The following RTN4RL1 variants were observed in gnomAD, a reference collection of about 807,000 sequenced individuals.
RTN4RL1 encodes reticulon 4 receptor like 1.
Under a neutral mutation model 25.6 loss-of-function variants are expected in RTN4RL1, and 7 were observed. That is an observed-to-expected ratio of 0.27 (90% CI 0.16 to 0.51). The LOEUF (loss-of-function observed/expected upper bound fraction) is 0.51. Among genes scored for constraint, RTN4RL1 ranks in the 20% least tolerant of loss-of-function variants. RTN4RL1 has a pLI of 0.97. For synonymous variants in RTN4RL1, 297 were observed against 288.2 expected (o/e 1.03, Z -0.31); for missense variants, 500 against 615.6 (o/e 0.81, Z 1.99).
chr17:1,935,615 A>G lies in RTN4RL1; in HGVS notation c.*881T>C, dbSNP rs1033307455. On this transcript the variant is annotated 3_prime_UTR_variant, in exon 2 of 2. Transcript: ENST00000331238. ...TGTTTTTGCTAGAAATCACCAATACAATCCTTAGTTCAGCAAATACAGTTT... is the reference window on the plus strand; with the variant it reads ...TGTTTTTGCTAGAAATCACCAATACGATCCTTAGTTCAGCAAATACAGTTT... The G allele has an allele frequency of 1.4e-4, 138 of 982,672 alleles. No individual in the cohort carries two copies. In the African/African-American group the frequency reaches 1.4e-3, roughly 10 times the overall value. 60.9% of individuals were successfully genotyped at this position (982,672 alleles called of 1,614,324 possible).
rs1179517958 is a variant in RTN4RL1 at position 1,937,500 on chromosome 17, C to T, written c.322G>A (p.Gly108Ser). 6 of 1,613,832 alleles carry T rather than the reference C, an allele frequency of 3.7e-6. No individual in the cohort carries two copies. Among genetic ancestry groups the T allele is most frequent in the African/African-American group, 1.3e-5 (1 of 74,924 alleles). The change falls in exon 2 of 2, where the codon GGC becomes AGC. Residue 108 changes from glycine (G) to serine (S), a missense_variant. Around this residue, in one of 2 missense-constraint regions of RTN4RL1, gnomAD observed 232 missense variants for 341.1 expected, o/e 0.68. Transcript: ENST00000331238. ...GFVHLEELDL[G>S]DNRQLRTLAP... ...AGCGTCCGCAGCTGCCGGTTGTCGC[C>T]GAGGTCCAGCTCCTCCAGGTGCACG...
In RTN4RL1 at chr17:1,935,707, T is replaced by TTGCATTTG. The variant is rs1555601208; in HGVS notation, c.*788_*789insCAAATGCA. The stretch of plus-strand genomic sequence containing the variant: ...ACGGAGTGGGAGGGGGACTGTGCAT[T>TTGCATTTG]TGTGTATATATATATATATATATAT... On this transcript the variant is annotated 3_prime_UTR_variant, in exon 2 of 2. Coordinates refer to ENST00000331238, the MANE Select transcript of RTN4RL1 (RefSeq NM_178568.4). 1 of 199,490 alleles carries TTGCATTTG rather than the reference T, an allele frequency of 5.0e-6. No homozygotes were observed. Among genetic ancestry groups the TTGCATTTG allele is most frequent in the Non-Finnish European group, 6.7e-6 (1 of 149,026 alleles). 12.4% of individuals were successfully genotyped at this position (199,490 alleles called of 1,614,324 possible).
At chr17:2,013,829 A>G (rs9897527) in intron 1 of RTN4RL1, among the ~76,000 whole-genome samples, 6 of 79,988 alleles carry the variant, frequency 7.5e-5, no homozygotes, top group Non-Finnish European at 1.1e-4. Flanking sequence ...TAAATACCCC[A>G]GCTCCCTCAC....
At chr17:1,962,995 A>G (rs2066773027) in intron 1 of RTN4RL1, among the ~76,000 whole-genome samples, 1 of 151,654 alleles carries the variant, frequency 6.6e-6, no homozygotes. Flanking sequence ...TGGAGTGCAG[A>G]GGTATAATCA....
intron 1 of RTN4RL1, among the ~76,000 whole-genome samples, chr17:1,954,008 A>AG (rs767647331): frequency 2.6e-5 from 4 of 152,256 alleles, no homozygotes; most frequent in Non-Finnish European, 5.9e-5. Flanking sequence ...GGCTAATGTC[A>AG]GCTTGCCAGG....
intron 1 of RTN4RL1, among the ~76,000 whole-genome samples, chr17:1,955,330 A>T (rs1915769440): frequency 6.6e-6 from 1 of 152,046 alleles, no homozygotes; most frequent in African/African-American, 2.4e-5. Flanking sequence ...TCAAGGCAGG[A>T]GGATGGCTTG....
intron 1 of RTN4RL1, among the ~76,000 whole-genome samples, chr17:1,943,643 G>A (rs1005897881): frequency 2.6e-5 from 4 of 152,166 alleles, no homozygotes; most frequent in Admixed American, 6.5e-5. Context: ...AGGCCAGGCC[G>A]GCTGCACTTG....
intron 1 of RTN4RL1, among the ~76,000 whole-genome samples, chr17:1,941,607 G>A (rs559563797): frequency 1.3e-5 from 2 of 151,866 alleles, no homozygotes; most frequent in Non-Finnish European, 2.9e-5. Context: ...GCCAGGCGGT[G>A]GGGGGGGATC....
rs139059854 is a variant in RTN4RL1 at position 1,959,467 on chromosome 17, C to T, written c.14-21659G>A. On this transcript the variant is annotated intron_variant, in intron 1 of 1. Transcript: ENST00000331238. ...TGGTCTGCTCTTCCCGGCCTGATGA[C>T]CACATACACCTAAATCCCCAGAGCT... is the stretch of plus-strand genomic sequence containing the variant. Among the ~76,000 whole-genome samples the T allele has an allele frequency of 5.7e-3, 870 of 152,226 alleles. 10 individuals carry two copies. Among genetic ancestry groups the T allele is most frequent in the African/African-American group, 0.02 (821 of 41,536 alleles).
In RTN4RL1 at chr17:1,936,201, G is replaced by A; in HGVS notation, c.*295C>T. 1 of 1,232,950 alleles carries A rather than the reference G, an allele frequency of 8.1e-7. No individual in the cohort carries two copies. Among genetic ancestry groups the A allele is most frequent in the Non-Finnish European group, 1.0e-6 (1 of 985,572 alleles). 76.4% of individuals were successfully genotyped at this position (1,232,950 alleles called of 1,614,324 possible). On this transcript the variant is annotated 3_prime_UTR_variant, in exon 2 of 2. Coordinates refer to ENST00000331238, the MANE Select transcript of RTN4RL1 (RefSeq NM_178568.4). ...GGGGGCAATTGTCCCACTGTTGCCA[G>A]TGGAGGATGCACTTGGAGTGCCTTT...
At chr17:2,013,660 C>T (rs1385701060) in intron 1 of RTN4RL1, among the ~76,000 whole-genome samples, 3 of 121,170 alleles carry the variant, frequency 2.5e-5, no homozygotes, top group African/African-American at 9.9e-5. Context: ...GCTCTCTCAC[C>T]CTGGAACATA....
intron 1 of RTN4RL1, among the ~76,000 whole-genome samples, chr17:2,009,583 C>A (rs1215187264): frequency 8.8e-6 from 1 of 113,240 alleles, no homozygotes; most frequent in Admixed American, 9.4e-5. Flanking sequence ...CAGAGCAAGA[C>A]TCCGTCTCAA....
At chr17:1,979,299 A>T (rs760950357) in intron 1 of RTN4RL1, among the ~76,000 whole-genome samples, 1 of 149,716 alleles carries the variant, frequency 6.7e-6, no homozygotes, top group Non-Finnish European at 1.5e-5. Flanking sequence ...AAAACAAAAA[A>T]CCCCATCTCT....
chr17:1,988,534 A>G (rs1201294211), intron 1 of RTN4RL1, among the ~76,000 whole-genome samples: 1 of 150,030 alleles, frequency 6.7e-6, no homozygotes, highest in Admixed American at 6.6e-5. Flanking sequence ...AAAAGAAAAG[A>G]AAAAGAAAGA....
chr17:1,995,099 G>A (rs1401833888), intron 1 of RTN4RL1, among the ~76,000 whole-genome samples: 1 of 152,148 alleles, frequency 6.6e-6, no homozygotes, highest in Non-Finnish European at 1.5e-5. Flanking sequence ...GGCCCCAGCA[G>A]CCCACTGAGC....
intron 1 of RTN4RL1, among the ~76,000 whole-genome samples, chr17:1,970,252 C>G (rs1198528072): frequency 6.6e-6 from 1 of 152,076 alleles, no homozygotes; most frequent in African/African-American, 2.4e-5. Context: ...AACTACTGAC[C>G]TCAGGTGATC....
At chr17:1,991,439 C>T (rs1320959601) in intron 1 of RTN4RL1, among the ~76,000 whole-genome samples, 1 of 85,000 alleles carries the variant, frequency 1.2e-5, no homozygotes, top group Non-Finnish European at 2.4e-5. Flanking sequence ...ATAATACATG[C>T]ACATAGTAAA....
intron 1 of RTN4RL1, among the ~76,000 whole-genome samples, chr17:1,940,413 C>T (rs1386558180): frequency 1.3e-5 from 2 of 152,162 alleles, no homozygotes; most frequent in African/African-American, 2.4e-5. Flanking sequence ...GCCGAGGCTG[C>T]TGCTGTTTCC....
chr17:1,951,446 G>GT (rs1005595881), intron 1 of RTN4RL1, among the ~76,000 whole-genome samples: 9 of 151,606 alleles, frequency 5.9e-5, no homozygotes, highest in African/African-American at 2.2e-4. Flanking sequence ...TTTTTTTGTT[G>GT]TTTTTTTGTT....
Sources: allele counts gnomAD v4.1 joint callset (sites outside exome capture counted in the v4.1 genomes callset), GRCh38; gene constraint gnomAD v4.1.1; regional missense constraint gnomAD v4.1.1; transcripts MANE v1.5; gene names NCBI Gene and HGNC (gene_info 2026-07-23, HGNC 2026-07-21).